The following PCBP3 variants were observed in gnomAD, a reference collection of about 807,000 sequenced individuals.
PCBP3 encodes the protein poly(rC)-binding protein 3.
A neutral mutation model predicts 52.7 loss-of-function variants in PCBP3; 25 were observed. The ratio of observed to expected loss-of-function variants is 0.47; its 90% confidence interval spans 0.35 to 0.66. The LOEUF is 0.66. Ranked by LOEUF, PCBP3 falls within the 30% of genes least tolerant of loss-of-function variation. The pLI is 0.01. For synonymous variants in PCBP3, 162 were observed against 183.0 expected (o/e 0.89, Z 0.93); for missense variants, 391 against 490.3 (o/e 0.80, Z 1.91).
chr21:45,653,286 GT>G (rs1023743084), intron 1 of PCBP3, among the ~76,000 whole-genome samples: 2 of 151,818 alleles, frequency 1.3e-5, no homozygotes, highest in African/African-American at 4.8e-5. Context: ...TTTCTTACTA[GT>G]TTTTTTTGGT....
At chr21:45,852,888 T>G (rs1468823514) in intron 5 of PCBP3, among the ~76,000 whole-genome samples, 1 of 152,244 alleles carries the variant, frequency 6.6e-6, no homozygotes, top group African/African-American at 2.4e-5. Context: ...ACTAATACAG[T>G]AACTTTTATA....
intron 4 of PCBP3, among the ~76,000 whole-genome samples, chr21:45,765,626 C>A (rs564010877): frequency 1.2e-4 from 19 of 152,298 alleles, no homozygotes; most frequent in African/African-American, 4.3e-4. Flanking sequence ...CAGCGCGGCT[C>A]TTCCATTGTC....
intron 4 of PCBP3, among the ~76,000 whole-genome samples, chr21:45,781,527 C>T (rs1214475217): frequency 6.6e-6 from 1 of 152,186 alleles, no homozygotes; most frequent in Non-Finnish European, 1.5e-5. Flanking sequence ...CTTTCATATA[C>T]TGTTGGTGGG....
In PCBP3 at chr21:45,645,852, T is replaced by A. The variant is rs185865145; in HGVS notation, c.-279+1984T>A. Among the ~76,000 whole-genome samples, 323 of 152,340 alleles carry A rather than the reference T, an allele frequency of 2.1e-3. 1 individual carries two copies. The highest frequency in any genetic ancestry group is 3.3e-3 in the Non-Finnish European group (223 of 68,038). On this transcript the variant is annotated intron_variant, in intron 1 of 17. Coordinates refer to ENST00000681687, the MANE Select transcript of PCBP3 (RefSeq NM_001384156.1). Reference sequence around the variant, plus strand: ...TAGTAGATGTAAGTTGTGTATCCTCTCAGTGAAGAAGGCAGTGCTTTGGGC... The same window carrying A: ...TAGTAGATGTAAGTTGTGTATCCTCACAGTGAAGAAGGCAGTGCTTTGGGC...
chr21:45,720,116 A>G (rs1462729836), intron 2 of PCBP3, among the ~76,000 whole-genome samples: 3 of 152,180 alleles, frequency 2.0e-5, no homozygotes, highest in South Asian at 4.1e-4. Context: ...CATGTGCAGA[A>G]CATGCAGGTT....
At chr21:45,739,231 C>A (rs975809904) in intron 3 of PCBP3, among the ~76,000 whole-genome samples, 1 of 137,176 alleles carries the variant, frequency 7.3e-6, no homozygotes. Flanking sequence ...TGGCACCCCC[C>A]ATCTTCATCA....
intron 4 of PCBP3, among the ~76,000 whole-genome samples, chr21:45,776,624 AC>A (rs1343335279): frequency 2.0e-5 from 3 of 151,822 alleles, no homozygotes; most frequent in African/African-American, 7.3e-5. Flanking sequence ...TTATTTAATG[AC>A]TTTGTCTTTT....
At chr21:45,678,145 G>C (rs113752467) in intron 2 of PCBP3, among the ~76,000 whole-genome samples, 1 of 151,954 alleles carries the variant, frequency 6.6e-6, no homozygotes, top group Admixed American at 6.6e-5. Flanking sequence ...ATCGAGACCA[G>C]CCTGGCTAAC....
intron 13 of PCBP3, among the ~76,000 whole-genome samples, chr21:45,926,806 CA>C (rs2075472526): frequency 2.0e-5 from 3 of 152,204 alleles, no homozygotes; most frequent in South Asian, 2.1e-4. Flanking sequence ...ATTCTGAGAT[CA>C]GGGGACGATT....
At chr21:45,650,359 A>G (rs1410593512) in intron 1 of PCBP3, among the ~76,000 whole-genome samples, 3 of 152,156 alleles carry the variant, frequency 2.0e-5, no homozygotes, top group Non-Finnish European at 4.4e-5. Flanking sequence ...TGGCATATAT[A>G]TTCATAAGAG....
chr21:45,904,136 G>A lies in PCBP3; in HGVS notation c.339+3023G>A, dbSNP rs2096138153. Among the ~76,000 whole-genome samples, 1 of 152,138 alleles carries A rather than the reference G, an allele frequency of 6.6e-6. No homozygotes were observed. Among genetic ancestry groups the A allele is most frequent in the Non-Finnish European group, 1.5e-5 (1 of 68,012 alleles). ...AGCCGTAACCTACGCTATTACGTAG[G>A]TTATGTAGGGCTGTGCTGAGTCCTC... On this transcript the variant is annotated intron_variant, in intron 9 of 17. Coordinates refer to ENST00000681687, the MANE Select transcript of PCBP3 (RefSeq NM_001384156.1). The surrounding 1 kb of genome is among the most constrained non-coding windows in gnomAD (Gnocchi z 4.8).
At chr21:45,785,767 C>G (rs923825309) in intron 4 of PCBP3, among the ~76,000 whole-genome samples, 5 of 149,386 alleles carry the variant, frequency 3.3e-5, no homozygotes, top group African/African-American at 1.2e-4. Context: ...ACATGGGAGA[C>G]TTTTCATTTT....
At chr21:45,644,012 G>C (rs1189398949) in intron 1 of PCBP3, 144 bp downstream of exon 1, 1 of 149,250 alleles carries the variant, frequency 6.7e-6, no homozygotes, top group East Asian at 2.0e-4. Context: ...GTCCCGGGCT[G>C]GGTCGCGCCG....
Position 45,694,536 on chromosome 21 carries a change from G to GC in PCBP3, c.-200+25585dup, listed in dbSNP as rs2082659157. 3.9e-5 allele frequency among the ~76,000 whole-genome samples: 6 copies of GC among 152,196 alleles called. No individual in the cohort carries two copies. The South Asian group carries it at 1.2e-3, about 32-fold the overall frequency. On this transcript the variant is annotated intron_variant, in intron 2 of 17. Transcript: ENST00000681687. ...TGGGAAGATGTAACACCCTGAATAG[G>GC]CATGCATCTAATATTGTCTCCTTAA...
chr21:45,830,448 G>A lies in PCBP3; in HGVS notation c.-125-19513G>A, dbSNP rs1204298741. The A allele has an allele frequency of 1.3e-5, 2 of 152,882 alleles. No homozygotes were observed. The highest frequency in any genetic ancestry group is 3.9e-4 in the East Asian group (2 of 5,194). The allele number at this position is 152,882 out of a possible 1,614,324, so 9.5% of individuals were successfully genotyped here. On this transcript the variant is annotated intron_variant, in intron 4 of 17. Coordinates refer to ENST00000681687, the MANE Select transcript of PCBP3 (RefSeq NM_001384156.1). The surrounding 1 kb of genome is among the most constrained non-coding windows in gnomAD (Gnocchi z 4.4). ...CTGAACGTGAAGAGGAGACCTGCCA[G>A]ACTATGGACAGCAGGCTCGCTGGGA...
intron 5 of PCBP3, among the ~76,000 whole-genome samples, chr21:45,893,262 TTG>T (rs1417350861): frequency 1.3e-5 from 2 of 149,822 alleles, no homozygotes; most frequent in African/African-American, 5.0e-5. Context: ...GTGTTGCTGG[TTG>T]GAGGCATCCC....
chr21:45,679,420 C>T (rs1286394745), intron 2 of PCBP3, among the ~76,000 whole-genome samples: 3 of 152,102 alleles, frequency 2.0e-5, no homozygotes, highest in Middle Eastern at 3.4e-3. Context: ...CACGCCTGGC[C>T]GCAATAAAGT....
At chr21:45,836,085 C>T (rs2093580721) in intron 4 of PCBP3, among the ~76,000 whole-genome samples, 1 of 152,224 alleles carries the variant, frequency 6.6e-6, no homozygotes, top group Non-Finnish European at 1.5e-5. Context: ...CACAGTAGCT[C>T]CTCCTTCAGC....
At chr21:45,672,428 T>C (rs1223557362) in intron 2 of PCBP3, among the ~76,000 whole-genome samples, 1 of 152,030 alleles carries the variant, frequency 6.6e-6, no homozygotes, top group African/African-American at 2.4e-5. Flanking sequence ...TGCTTTCTGC[T>C]TGTGGAAGTT....
Sources: allele counts gnomAD v4.1 joint callset (sites outside exome capture counted in the v4.1 genomes callset), GRCh38; gene constraint gnomAD v4.1.1; non-coding constraint Gnocchi (gnomAD v3.1); transcripts MANE v1.5; gene names NCBI Gene and HGNC (gene_info 2026-07-23, HGNC 2026-07-21).